The following KHDRBS2 variants were observed in gnomAD, a reference collection of about 807,000 sequenced individuals.
The protein encoded by KHDRBS2 is KH RNA binding domain containing, signal transduction associated 2.
A neutral mutation model predicts 44.3 loss-of-function variants in KHDRBS2; 26 were observed. The observed-to-expected ratio is 0.59, with a 90% CI of 0.43 to 0.81. The LOEUF is 0.81. Among genes scored for constraint, KHDRBS2 ranks in the 40% least tolerant of loss-of-function variants. The pLI, the probability that KHDRBS2 is intolerant of heterozygous loss-of-function variation, is 0.00. For missense variants in KHDRBS2, 476 were observed against 433.1 expected, an observed-to-expected ratio of 1.10 and a Z score of -0.88; for synonymous variants, 194 against 151.1, an observed-to-expected ratio of 1.28 and a Z score of -2.08.
chr6:62,060,633 C>CTCTCTATA (rs758456817), intron 2 of KHDRBS2, among the ~76,000 whole-genome samples: 12 of 144,954 alleles, frequency 8.3e-5, no homozygotes, highest in African/African-American at 3.1e-4. Flanking sequence ...CTCTCTCTCT[C>CTCTCTATA]TATATATATA....
chr6:62,254,048 T>C (rs970668132), intron 1 of KHDRBS2, among the ~76,000 whole-genome samples: 1 of 151,952 alleles, frequency 6.6e-6, no homozygotes, highest in Admixed American at 6.6e-5. Flanking sequence ...CAGAAACTCA[T>C]TCACATGGGA....
At chr6:62,042,410 C>T (rs76618638) in intron 3 of KHDRBS2, among the ~76,000 whole-genome samples, 7,036 of 152,108 alleles carry the variant, frequency 0.046, 209 homozygotes, top group African/African-American at 0.073. Flanking sequence ...ATCTACTGTG[C>T]AGTTCATTAG....
chr6:62,200,358 G>C (rs1826681980), intron 1 of KHDRBS2, among the ~76,000 whole-genome samples: 1 of 152,080 alleles, frequency 6.6e-6, no homozygotes, highest in Non-Finnish European at 1.5e-5. Flanking sequence ...CTAATATCCA[G>C]AATCTACAAT....
At position 61,778,239 on chromosome 6, in the gene KHDRBS2, C is replaced by T. The variant is rs143694009; in HGVS notation, c.811-45475G>A. On this transcript the variant is annotated intron_variant, in intron 6 of 8. Coordinates refer to ENST00000281156, the MANE Select transcript of KHDRBS2 (RefSeq NM_152688.4). ...AGAGTCATGAGGATTCGTTTAACTC[C>T]GTGGATGAACAGAGCCTCTGTCACT... 7.9e-5 allele frequency among the ~76,000 whole-genome samples: 12 copies of T among 152,200 alleles called. No homozygotes were observed. The East Asian group carries it at 9.7e-4, about 12-fold the overall frequency.
At chr6:62,265,311 C>T (rs1214852236) in intron 1 of KHDRBS2, among the ~76,000 whole-genome samples, 2 of 151,922 alleles carry the variant, frequency 1.3e-5, no homozygotes, top group African/African-American at 4.8e-5. Context: ...GCCACCTTTG[C>T]TAAAAGAGCA....
chr6:61,881,941 T>A (rs1215672782), intron 6 of KHDRBS2, among the ~76,000 whole-genome samples: 1 of 151,998 alleles, frequency 6.6e-6, no homozygotes, highest in East Asian at 1.9e-4. Flanking sequence ...TCCAAAAATA[T>A]TGCAGTATAA....
intron 2 of KHDRBS2, among the ~76,000 whole-genome samples, chr6:62,171,714 G>A (rs762058828): frequency 1.3e-5 from 2 of 152,132 alleles, no homozygotes; most frequent in African/African-American, 2.4e-5. Context: ...ACCCGATCTG[G>A]CTAACAACAG....
intron 2 of KHDRBS2, among the ~76,000 whole-genome samples, chr6:62,092,727 G>A (rs1300578152): frequency 2.0e-5 from 3 of 152,128 alleles, no homozygotes; most frequent in Admixed American, 1.3e-4. Flanking sequence ...CAGGCAAAGT[G>A]TAAAAAGCAT....
chr6:61,903,882 A>G (rs543084413), intron 4 of KHDRBS2, among the ~76,000 whole-genome samples: 6 of 152,168 alleles, frequency 3.9e-5, no homozygotes, highest in African/African-American at 7.2e-5. Context: ...GCACCCAAAC[A>G]TAACAGTGAG....
chr6:61,633,328 G>T, the KHDRBS2 span, among the ~76,000 whole-genome samples: 1 of 152,104 alleles, frequency 6.6e-6, no homozygotes, highest in South Asian at 2.1e-4. Flanking sequence ...GGAAGTATTT[G>T]ATGAACTTAT....
chr6:61,958,091 G>C (rs1767819931), intron 4 of KHDRBS2, among the ~76,000 whole-genome samples: 1 of 151,998 alleles, frequency 6.6e-6, no homozygotes, highest in Non-Finnish European at 1.5e-5. Flanking sequence ...GATTGACCTA[G>C]TCTCTAATCC....
chr6:61,983,850 AC>A (rs1774483987), intron 3 of KHDRBS2, among the ~76,000 whole-genome samples: 1 of 151,818 alleles, frequency 6.6e-6, no homozygotes, highest in Non-Finnish European at 1.5e-5. Flanking sequence ...AAAACTATAA[AC>A]CACTCTTACG....
At chr6:61,646,960 C>T in the KHDRBS2 span, among the ~76,000 whole-genome samples, 1 of 152,018 alleles carries the variant, frequency 6.6e-6, no homozygotes, top group African/African-American at 2.4e-5. Flanking sequence ...GTTGGGATTA[C>T]AGGCACCCAC....
At chr6:62,026,739 A>G (rs1371110492) in intron 3 of KHDRBS2, among the ~76,000 whole-genome samples, 1 of 152,062 alleles carries the variant, frequency 6.6e-6, no homozygotes, top group Non-Finnish European at 1.5e-5. Flanking sequence ...AAAAGTTAGT[A>G]TGATTGAATA....
the KHDRBS2 span, among the ~76,000 whole-genome samples, chr6:61,590,748 T>C: frequency 6.6e-6 from 1 of 152,174 alleles, no homozygotes; most frequent in Non-Finnish European, 1.5e-5. Context: ...GAGCTAACAA[T>C]ATGACATAGT....
intron 6 of KHDRBS2, among the ~76,000 whole-genome samples, chr6:61,893,148 A>G (rs980522463): frequency 6.6e-6 from 1 of 152,252 alleles, no homozygotes; most frequent in Non-Finnish European, 1.5e-5. Flanking sequence ...ACATGAAAAA[A>G]TGCTCATCAT....
chr6:61,855,423 T>C (rs1236360902), intron 6 of KHDRBS2, among the ~76,000 whole-genome samples: 4 of 151,780 alleles, frequency 2.6e-5, no homozygotes, highest in African/African-American at 9.7e-5. Context: ...TGTAAAATGG[T>C]AATGATAATA....
At chr6:61,692,495 G>A (rs964982891) in intron 8 of KHDRBS2, among the ~76,000 whole-genome samples, 2 of 151,822 alleles carry the variant, frequency 1.3e-5, no homozygotes, top group South Asian at 2.1e-4. Context: ...TAAATTATTT[G>A]CAAAGATCCT....
chr6:62,077,985 G>T (rs1391013517), intron 2 of KHDRBS2, among the ~76,000 whole-genome samples: 5 of 151,966 alleles, frequency 3.3e-5, no homozygotes, highest in Admixed American at 2.0e-4. Flanking sequence ...TAAGGGAAAA[G>T]GCATCATACC....
Sources: allele counts gnomAD v4.1 joint callset (sites outside exome capture counted in the v4.1 genomes callset), GRCh38; gene constraint gnomAD v4.1.1; transcripts MANE v1.5; gene names NCBI Gene and HGNC (gene_info 2026-07-23, HGNC 2026-07-21).